Variants in CCDC68 observed in about 807,000 individuals in gnomAD.
CCDC68 encodes coiled-coil domain-containing protein 68.
A neutral mutation model predicts 47.1 loss-of-function variants in CCDC68; 45 were observed. The ratio of observed to expected loss-of-function variants is 0.96; its 90% CI spans 0.75 to 1.23. The LOEUF is 1.23. Ranked by LOEUF, CCDC68 falls within the 50% of genes most tolerant of loss-of-function variation. The pLI is 0.00. For synonymous variants in CCDC68, 131 were observed against 129.5 expected (o/e 1.01, Z -0.08); for missense variants, 353 against 373.6 (o/e 0.94, Z 0.45).
chr18:54,939,682 C>T (rs954254007), intron 4 of CCDC68, among the ~76,000 whole-genome samples: 151 of 152,174 alleles, frequency 9.9e-4, no homozygotes, highest in African/African-American at 3.6e-3. Context: ...GGTGGGCATT[C>T]AGTCCGCAAT....
intron 1 of CCDC68, among the ~76,000 whole-genome samples, chr18:54,948,823 T>C (rs373985051): frequency 1.0e-3 from 158 of 152,260 alleles, no homozygotes; most frequent in African/African-American, 3.7e-3. Flanking sequence ...AAGGAGGTGC[T>C]GTTCTAGATG....
chr18:54,914,778 TG>T (rs2145400574), intron 10 of CCDC68, among the ~76,000 whole-genome samples: 1 of 152,336 alleles, frequency 6.6e-6, no homozygotes, highest in African/African-American at 2.4e-5. Context: ...CGTATATTTC[TG>T]TGGCATAATT....
At chr18:54,920,920 G>A (rs1031684215) in intron 8 of CCDC68, among the ~76,000 whole-genome samples, 2 of 152,128 alleles carry the variant, frequency 1.3e-5, no homozygotes, top group Non-Finnish European at 2.9e-5. Context: ...CAGTATTCAC[G>A]ACAGCAAAGA....
intron 2 of CCDC68, among the ~76,000 whole-genome samples, chr18:54,944,281 A>G (rs1387145466): frequency 6.6e-6 from 1 of 151,994 alleles, no homozygotes; most frequent in African/African-American, 2.4e-5. Context: ...GCTTATAATT[A>G]TTATTTACTA....
At chr18:54,937,934 T>C in intron 5 of CCDC68, 23 bp downstream of exon 5, 4 of 1,599,662 alleles carry the variant, frequency 2.5e-6, no homozygotes, top group Non-Finnish European at 1.7e-6. Flanking sequence ...AAACACAAAA[T>C]TTGAAACTTC....
In CCDC68 at chr18:54,941,186, C is replaced by T. The variant is rs1337570915; in HGVS notation, c.118-103G>A. 1.0e-5 allele frequency: 7 copies of T among 670,576 alleles called. No individual in the cohort carries two copies. In the Middle Eastern group the frequency reaches 1.1e-3, roughly 106 times the overall value. The allele number at this position is 670,576 out of a possible 1,614,324, so 41.5% of individuals were successfully genotyped here. ...GTACCTGATTATCTAGAAAGTAATA[C>T]ATATATACATATATTGATCTCAGAT... is the stretch of plus-strand genomic sequence containing the variant. On this transcript the variant is annotated intron_variant, in intron 3 of 11. Coordinates refer to ENST00000591504, the MANE Select transcript of CCDC68 (RefSeq NM_025214.3).
chr18:54,913,772 C>T (rs1433677410), intron 10 of CCDC68, among the ~76,000 whole-genome samples: 1 of 151,992 alleles, frequency 6.6e-6, no homozygotes, highest in African/African-American at 2.4e-5. Flanking sequence ...ATGATCATGC[C>T]ACGGCACTTC....
rs181023708 is a variant in CCDC68, at chr18:54,914,907, C to T, written c.873+3006G>A. Among the ~76,000 whole-genome samples, 213 of 152,236 alleles carry T rather than the reference C, an allele frequency of 1.4e-3. No homozygotes were observed. The South Asian group carries it at 0.015, about 11-fold the overall frequency. On this transcript the variant is annotated intron_variant, in intron 10 of 11. Transcript: ENST00000591504. The stretch of plus-strand genomic sequence containing the variant: ...AACAGGCCAGCTGAATAATGTACAG[C>T]GTCGGGGTTAAGTTGTCAGTTTATT...
chr18:54,920,108 G>T (rs1287209584), intron 8 of CCDC68, among the ~76,000 whole-genome samples: 2 of 152,118 alleles, frequency 1.3e-5, no homozygotes, highest in Non-Finnish European at 2.9e-5. Flanking sequence ...TCTTGCTACT[G>T]TTATTAGAGT....
intron 11 of CCDC68, among the ~76,000 whole-genome samples, chr18:54,907,576 G>T (rs1206169359): frequency 6.6e-6 from 1 of 152,106 alleles, no homozygotes; most frequent in Non-Finnish European, 1.5e-5. Flanking sequence ...ATCTAAATTT[G>T]TTCATTAATT....
intron 6 of CCDC68, among the ~76,000 whole-genome samples, chr18:54,935,359 G>A (rs982293814): frequency 6.6e-6 from 1 of 152,196 alleles, no homozygotes; most frequent in Admixed American, 6.5e-5. Context: ...ACTCCTCAGT[G>A]TGTCATGGTG....
rs1913815243 is a variant in CCDC68, at chr18:54,903,743, C to T, written c.*615G>A. On this transcript the variant is annotated 3_prime_UTR_variant, in exon 12 of 12. Coordinates refer to ENST00000591504, the MANE Select transcript of CCDC68 (RefSeq NM_025214.3). ...GTGGTGAGGCAGCCATGATTCTCAA[C>T]TTCAGAGGGGCATATGGGTTGGGGA... 6.6e-6 allele frequency: 1 copy of T among 152,208 alleles called. No individual in the cohort carries two copies. The highest frequency in any genetic ancestry group is 2.4e-5 in the African/African-American group (1 of 41,438). 9.4% of individuals were successfully genotyped at this position (152,208 alleles called of 1,614,324 possible). A position where few individuals can be genotyped will look rare whatever the true frequency, so the allele number is the denominator to read the frequency against.
At position 54,901,902 on chromosome 18, in the gene CCDC68, T is replaced by TA. The variant is rs1011263339; in HGVS notation, c.*2455dup. On this transcript the variant is annotated 3_prime_UTR_variant, in exon 12 of 12. Transcript: ENST00000591504. ...TCACTGAGAAGTGTTTTTTTTTTCATAAAAAAATATTTCAAATGATAATTT... is the reference window on the plus strand; with the variant it reads ...TCACTGAGAAGTGTTTTTTTTTTCATAAAAAAAATATTTCAAATGATAATTT... 3 of 151,810 alleles carry TA rather than the reference T, an allele frequency of 2.0e-5. No homozygotes were observed. The highest frequency in any genetic ancestry group is 6.6e-5 in the Admixed American group (1 of 15,236). The allele number at this position is 151,810 out of a possible 1,614,324, so 9.4% of individuals were successfully genotyped here.
chr18:54,953,547 T>G (rs36110415), intron 1 of CCDC68, among the ~76,000 whole-genome samples: 1 of 131,196 alleles, frequency 7.6e-6, no homozygotes, highest in African/African-American at 3.2e-5. Context: ...CACATATATA[T>G]ATATAGAGAG....
chr18:54,934,867 GT>G lies in CCDC68; in HGVS notation c.552del (p.Lys184AsnfsTer23). On this transcript the variant is annotated frameshift_variant, in exon 7 of 12. Coordinates refer to ENST00000591504, the MANE Select transcript of CCDC68 (RefSeq NM_025214.3). LOFTEE classifies it high-confidence loss of function. Reference sequence around the variant, plus strand: ...TTCTCCAATTCTGTAATTTGACTGTGTTTTTCTTCAAGTTTTTCAGCAACTT... The same window carrying G: ...TTCTCCAATTCTGTAATTTGACTGTGTTTTCTTCAAGTTTTTCAGCAACTT... ...LNQVAEKLEE[K>X]HSQITELENL... 6.2e-7 allele frequency: 1 copy of G among 1,602,374 alleles called. No homozygotes were observed. Among genetic ancestry groups the G allele is most frequent in the South Asian group, 1.1e-5 (1 of 89,218 alleles).
chr18:54,952,913 T>G (rs2044643040), intron 1 of CCDC68, among the ~76,000 whole-genome samples: 1 of 152,016 alleles, frequency 6.6e-6, no homozygotes. Flanking sequence ...CTCAGGAGGC[T>G]GAGGCACAAG....
At chr18:54,949,188 G>A (rs141962682) in intron 1 of CCDC68, among the ~76,000 whole-genome samples, 159 of 152,220 alleles carry the variant, frequency 1.0e-3, no homozygotes, top group African/African-American at 3.8e-3. Flanking sequence ...TAGAGATGGG[G>A]TTTCGCCATG....
chr18:54,936,812 G>C (rs370859571), intron 6 of CCDC68, 21 bp downstream of exon 6: 1 of 1,613,790 alleles, frequency 6.2e-7, no homozygotes, highest in South Asian at 1.1e-5. Context: ...TTCTCCAATA[G>C]ACAAGCTGCA....
rs370417628 is a variant in CCDC68, at chr18:54,923,873, C to T, written c.684-4497G>A. On this transcript the variant is annotated intron_variant, in intron 8 of 11. Coordinates refer to ENST00000591504, the MANE Select transcript of CCDC68 (RefSeq NM_025214.3). ...AATTACAGGCACCCATCACTATGCC[C>T]GGCTAATTTTTCTATTTTTAGTGGA... 1.7e-3 allele frequency among the ~76,000 whole-genome samples: 266 copies of T among 152,144 alleles called. 1 individual carries two copies. The South Asian group carries it at 0.025, about 14-fold the overall frequency.
Sources: gnomAD v4.1 joint callset for allele counts (sites outside exome capture counted in the v4.1 genomes callset) on GRCh38, gnomAD v4.1.1 for gene constraint, MANE v1.5 for transcripts, NCBI Gene and HGNC (gene_info 2026-07-23, HGNC 2026-07-21) for gene names.